The following DENND1A variants were observed in gnomAD, a reference collection of about 807,000 sequenced individuals.
DENND1A encodes the protein DENN domain-containing protein 1A.
DENND1A carries 51 observed loss-of-function variants against 113.7 expected under a neutral mutation model. The ratio of observed to expected loss-of-function variants is 0.45; its 90% confidence interval spans 0.36 to 0.57. The LOEUF is 0.57. DENND1A is among the 20% of genes least tolerant of loss of function. The pLI is 0.00. For synonymous variants in DENND1A, 565 were observed against 570.8 expected, an observed-to-expected ratio of 0.99 and a Z score of 0.14; for missense variants, 1,258 against 1,395.9, an observed-to-expected ratio of 0.90 and a Z score of 1.57.
intron 2 of DENND1A, among the ~76,000 whole-genome samples, chr9:123,833,542 T>G (rs10986116): frequency 6.6e-6 from 1 of 152,086 alleles, no homozygotes; most frequent in South Asian, 2.1e-4. Flanking sequence ...TTAGGCATAA[T>G]ACATGAATTT....
chr9:123,611,419 A>G (rs1275888514), intron 10 of DENND1A, among the ~76,000 whole-genome samples: 1 of 152,222 alleles, frequency 6.6e-6, no homozygotes, highest in East Asian at 1.9e-4. Flanking sequence ...GACAGCTTCA[A>G]TGTCAAAAAT....
At chr9:123,562,228 C>T (rs934639443) in intron 12 of DENND1A, among the ~76,000 whole-genome samples, 1 of 152,208 alleles carries the variant, frequency 6.6e-6, no homozygotes, top group African/African-American at 2.4e-5. Context: ...ACCTGCCCCA[C>T]TTAATGTTAA....
intron 5 of DENND1A, among the ~76,000 whole-genome samples, chr9:123,739,959 C>T (rs1375160056): frequency 6.7e-6 from 1 of 149,946 alleles, no homozygotes; most frequent in African/African-American, 2.4e-5. Flanking sequence ...ATTTGCTATT[C>T]ACACAAAACA....
intron 13 of DENND1A, among the ~76,000 whole-genome samples, chr9:123,486,900 G>A (rs2050922382): frequency 6.6e-6 from 1 of 152,160 alleles, no homozygotes; most frequent in Non-Finnish European, 1.5e-5. Flanking sequence ...AGCCACAGGG[G>A]TGGGCATGCG....
intron 1 of DENND1A, among the ~76,000 whole-genome samples, chr9:123,884,060 T>C (rs1170817326): frequency 2.0e-5 from 3 of 152,186 alleles, no homozygotes; most frequent in Non-Finnish European, 4.4e-5. Context: ...CCAACGCAGA[T>C]AGAAGCATTC....
At chr9:123,816,345 A>G (rs1211899803) in intron 2 of DENND1A, among the ~76,000 whole-genome samples, 1 of 152,132 alleles carries the variant, frequency 6.6e-6, no homozygotes, top group Admixed American at 6.6e-5. Context: ...AAGGTCACAC[A>G]TCTATTCAGT....
At chr9:123,568,664 T>C (rs758968639) in intron 12 of DENND1A, among the ~76,000 whole-genome samples, 8 of 152,200 alleles carry the variant, frequency 5.3e-5, no homozygotes, top group Non-Finnish European at 1.0e-4. Flanking sequence ...TCAGCCACAA[T>C]CCTGGGCTGA....
chr9:123,692,399 T>C (rs767328724), intron 5 of DENND1A, among the ~76,000 whole-genome samples: 5 of 152,218 alleles, frequency 3.3e-5, no homozygotes, highest in South Asian at 4.1e-4. Context: ...GCTGGGCCAA[T>C]AGGGATTTCT....
Position 123,457,902 on chromosome 9 carries a change from G to A in DENND1A, c.994-5C>T, listed in dbSNP as rs760461898. 7 of 1,605,772 alleles carry A rather than the reference G, an allele frequency of 4.4e-6. No individual in the cohort carries two copies. In the East Asian group the frequency reaches 1.6e-4, roughly 36 times the overall value. ...ACAGAAAGTGATCGGCTCCTCCTGG[G>A]AAGTGCAGAGGGGAGAGGTGGGTCA... On this transcript the variant is annotated splice_polypyrimidine_tract_variant and splice_region_variant and intron_variant, in intron 13 of 23. Coordinates refer to ENST00000394215, the MANE Select transcript of DENND1A (RefSeq NM_001352964.2).
chr9:123,475,568 T>C (rs981835347), intron 13 of DENND1A, among the ~76,000 whole-genome samples: 4 of 152,194 alleles, frequency 2.6e-5, no homozygotes, highest in Non-Finnish European at 4.4e-5. Flanking sequence ...TGAGTGCACA[T>C]TGGGACCCCA....
chr9:123,669,903 G>A (rs181709349), intron 7 of DENND1A, among the ~76,000 whole-genome samples: 5 of 151,882 alleles, frequency 3.3e-5, no homozygotes, highest in Non-Finnish European at 7.4e-5. Flanking sequence ...CCTTCCACAC[G>A]AATGGCACAG....
At chr9:123,570,399 A>G (rs538044465) in intron 12 of DENND1A, among the ~76,000 whole-genome samples, 1 of 152,202 alleles carries the variant, frequency 6.6e-6, no homozygotes, top group Admixed American at 6.5e-5. Flanking sequence ...ACAAAGGCCC[A>G]TATTATGGAG....
intron 5 of DENND1A, among the ~76,000 whole-genome samples, chr9:123,679,430 T>C (rs2064298891): frequency 6.6e-6 from 1 of 152,192 alleles, no homozygotes; most frequent in South Asian, 2.1e-4. Flanking sequence ...ACCAAGTCAA[T>C]TCTTTTTGGC....
intron 1 of DENND1A, among the ~76,000 whole-genome samples, chr9:123,915,933 T>C (rs1855022085): frequency 6.6e-6 from 1 of 152,154 alleles, no homozygotes; most frequent in Admixed American, 6.6e-5. Flanking sequence ...CATTCTCGTG[T>C]GGGAATATGA....
At chr9:123,679,730 C>G (rs559269324) in intron 5 of DENND1A, among the ~76,000 whole-genome samples, 1 of 152,204 alleles carries the variant, frequency 6.6e-6, no homozygotes, top group African/African-American at 2.4e-5. Flanking sequence ...CAACAGCTTG[C>G]GCGGCCTGCT....
At chr9:123,644,399 A>AC (rs1485420108) in intron 9 of DENND1A, among the ~76,000 whole-genome samples, 14 of 148,230 alleles carry the variant, frequency 9.4e-5, no homozygotes, top group African/African-American at 3.2e-4. Flanking sequence ...AAAAAAAAAA[A>AC]AAACCTCTAA....
chr9:123,887,957 A>G (rs747750834), intron 1 of DENND1A, among the ~76,000 whole-genome samples: 15 of 152,206 alleles, frequency 9.9e-5, no homozygotes, highest in Non-Finnish European at 1.6e-4. Context: ...ATAGAAAAAT[A>G]AAGCATAAAT....
intron 13 of DENND1A, among the ~76,000 whole-genome samples, chr9:123,553,090 A>G (rs552509848): frequency 2.6e-5 from 4 of 152,220 alleles, no homozygotes; most frequent in South Asian, 2.1e-4. Flanking sequence ...CCTTATCTCT[A>G]CAAAAATTAA....
chr9:123,548,008 G>A (rs1164579596), intron 13 of DENND1A, among the ~76,000 whole-genome samples: 2 of 152,190 alleles, frequency 1.3e-5, no homozygotes, highest in East Asian at 3.8e-4. Context: ...TCTTACACAT[G>A]AGAAAAGTGA....
Sources: allele counts gnomAD v4.1 joint callset (sites outside exome capture counted in the v4.1 genomes callset), GRCh38; gene constraint gnomAD v4.1.1; transcripts MANE v1.5; gene names NCBI Gene and HGNC (gene_info 2026-07-23, HGNC 2026-07-21).